Variants in MECOM observed in about 807,000 individuals in gnomAD.
MECOM encodes histone-lysine N-methyltransferase MECOM.
In MECOM, 13 loss-of-function variants were observed where a neutral mutation model predicts 116.3. That is an observed-to-expected ratio of 0.11 (90% confidence interval 0.07 to 0.18). The LOEUF (loss-of-function observed/expected upper bound fraction) is 0.18, where lower values mean the gene tolerates loss of function less well. Among genes scored for constraint, MECOM ranks in the 10% least tolerant of loss-of-function variants. The pLI, the probability that MECOM is intolerant of heterozygous loss-of-function variation, is 1.00. For missense variants in MECOM, 1,299 were observed against 1,509.0 expected (o/e 0.86, Z 2.31); for synonymous variants, 528 against 535.2 (o/e 0.99, Z 0.19).
At chr3:169,400,463 T>C (rs1176101287) in intron 1 of MECOM, among the ~76,000 whole-genome samples, 2 of 152,234 alleles carry the variant, frequency 1.3e-5, no homozygotes, top group Admixed American at 6.5e-5. Flanking sequence ...ATTCTCAACA[T>C]ACATTTGTTT....
chr3:169,248,176 A>T (rs1755824773), intron 2 of MECOM, among the ~76,000 whole-genome samples: 1 of 152,248 alleles, frequency 6.6e-6, no homozygotes, highest in African/African-American at 2.4e-5. Flanking sequence ...TTAGAATTGC[A>T]TTACAATTAC....
In MECOM at chr3:169,243,899, C is replaced by T. The variant is rs188955279; in HGVS notation, c.376-100067G>A. Among the ~76,000 whole-genome samples the T allele has an allele frequency of 6.5e-4, 99 of 152,324 alleles. 1 individual carries two copies. The highest frequency in any genetic ancestry group is 4.3e-3 in the Admixed American group (66 of 15,304). On this transcript the variant is annotated intron_variant, in intron 2 of 16. Coordinates refer to ENST00000651503, the MANE Select transcript of MECOM (RefSeq NM_004991.4). ...TACCAAATTCATTTGGAGCACTCGC[C>T]TGACAGGCCTAACCCTCAAAAGTCT... is the stretch of plus-strand genomic sequence containing the variant.
At chr3:169,287,912 G>T (rs1237015076) in intron 2 of MECOM, among the ~76,000 whole-genome samples, 1 of 152,148 alleles carries the variant, frequency 6.6e-6, no homozygotes, top group Non-Finnish European at 1.5e-5. Context: ...GCATGATTCT[G>T]ACTAAATCAA....
rs557595425 is a variant in MECOM, at chr3:169,213,256, G to A, written c.376-69424C>T. 1.3e-4 allele frequency among the ~76,000 whole-genome samples: 20 copies of A among 151,972 alleles called. No homozygotes were observed. The South Asian group carries it at 3.3e-3, about 25-fold the overall frequency. ...CTTGAAAAATATCTTTTGAATTAAC[G>A]AGTCTTTATAGAAGTGAAAAATATG... On this transcript the variant is annotated intron_variant, in intron 2 of 16. Transcript: ENST00000651503.
In MECOM at chr3:169,515,869, T is replaced by A. The variant is rs1578318376; in HGVS notation, c.38-134345A>T. Among the ~76,000 whole-genome samples, 3 of 152,218 alleles carry A rather than the reference T, an allele frequency of 2.0e-5. No homozygotes were observed. In the South Asian group the frequency reaches 6.2e-4, roughly 31 times the overall value. On this transcript the variant is annotated intron_variant, in intron 1 of 16. Coordinates refer to ENST00000651503, the MANE Select transcript of MECOM (RefSeq NM_004991.4). Reference sequence around the variant, plus strand: ...ATGTATTAACATTGCATAGTACTTTTCCACTGAAAGAGTTCAAAGCATTTT... The same window carrying A: ...ATGTATTAACATTGCATAGTACTTTACCACTGAAAGAGTTCAAAGCATTTT...
chr3:169,110,537 A>G (rs918261641), intron 9 of MECOM, among the ~76,000 whole-genome samples: 1 of 152,154 alleles, frequency 6.6e-6, no homozygotes, highest in Admixed American at 6.5e-5. Context: ...AAAAACAATG[A>G]AATATTTCTG....
chr3:169,175,473 C>A (rs1745021699), intron 2 of MECOM, among the ~76,000 whole-genome samples: 1 of 152,080 alleles, frequency 6.6e-6, no homozygotes, highest in Non-Finnish European at 1.5e-5. Context: ...ATATATAAAA[C>A]AAATAAATTT....
At chr3:169,329,777 C>T (rs575682221) in intron 2 of MECOM, among the ~76,000 whole-genome samples, 3 of 152,264 alleles carry the variant, frequency 2.0e-5, no homozygotes, top group African/African-American at 4.8e-5. Flanking sequence ...ACTGTTAAAG[C>T]GCTGCTGCCC....
At chr3:169,147,795 A>T in intron 2 of MECOM, 98 of 690,458 alleles carry the variant, frequency 1.4e-4, no homozygotes, top group Middle Eastern at 7.2e-4. Context: ...GATGGGAGGG[A>T]TGGGGAAGGG....
chr3:169,233,475 T>G (rs1056806757), intron 2 of MECOM, among the ~76,000 whole-genome samples: 1 of 152,148 alleles, frequency 6.6e-6, no homozygotes, highest in Non-Finnish European at 1.5e-5. Flanking sequence ...TTACAGCACA[T>G]TAAACTTTAA....
chr3:169,483,727 C>T (rs1055810829), intron 1 of MECOM: 8 of 1,588,734 alleles, frequency 5.0e-6, no homozygotes, highest in South Asian at 2.2e-5. Context: ...TAACGTAATT[C>T]GTAACTCTCT....
At chr3:169,238,861 G>T (rs1577433753) in intron 2 of MECOM, among the ~76,000 whole-genome samples, 2 of 152,032 alleles carry the variant, frequency 1.3e-5, no homozygotes, top group African/African-American at 4.8e-5. Flanking sequence ...GTTAACAAAA[G>T]ATTATAAACT....
intron 1 of MECOM, among the ~76,000 whole-genome samples, chr3:169,460,090 G>GA (rs142267148): frequency 0.036 from 5,497 of 152,154 alleles, 318 homozygotes; most frequent in African/African-American, 0.13. Context: ...AAAAGGAGCA[G>GA]AAAAGCTGGG....
intron 7 of MECOM, among the ~76,000 whole-genome samples, chr3:169,120,014 C>T (rs1455956238): frequency 6.6e-6 from 1 of 152,140 alleles, no homozygotes; most frequent in Non-Finnish European, 1.5e-5. Flanking sequence ...TCCATGTTGG[C>T]ACTGAAAAAT....
Position 169,549,281 on chromosome 3 carries a change from C to A in MECOM, c.37+114055G>T, listed in dbSNP as rs531003635. Reference sequence around the variant, plus strand: ...GTCACCGTGCCCGGCCGACACTTGTCTCTGTATAACTTCCCACTCCCACTT... The same window carrying A: ...GTCACCGTGCCCGGCCGACACTTGTATCTGTATAACTTCCCACTCCCACTT... On this transcript the variant is annotated intron_variant, in intron 1 of 16. Coordinates refer to ENST00000651503, the MANE Select transcript of MECOM (RefSeq NM_004991.4). 5.9e-5 allele frequency among the ~76,000 whole-genome samples: 9 copies of A among 152,132 alleles called. No individual in the cohort carries two copies. In the East Asian group the frequency reaches 1.5e-3, roughly 26 times the overall value.
intron 1 of MECOM, among the ~76,000 whole-genome samples, chr3:169,436,664 CT>C (rs1166258284): frequency 6.6e-6 from 1 of 152,040 alleles, no homozygotes; most frequent in Non-Finnish European, 1.5e-5. Flanking sequence ...ATAAAAAATC[CT>C]TTTTTTCAAT....
In MECOM at chr3:169,100,445, T is replaced by C. The variant is rs192494100; in HGVS notation, c.2849+440A>G. The stretch of plus-strand genomic sequence containing the variant: ...CCTATTGGAATCCATGGAAAATGAC[T>C]TAGCTGTGCTGGGGGAAAAAAAGTA... On this transcript the variant is annotated intron_variant, in intron 12 of 16. Coordinates refer to ENST00000651503, the MANE Select transcript of MECOM (RefSeq NM_004991.4). Among the ~76,000 whole-genome samples the C allele has an allele frequency of 1.2e-4, 19 of 152,230 alleles. No individual in the cohort carries two copies. The East Asian group carries it at 3.7e-3, about 29-fold the overall frequency.
At chr3:169,445,752 G>A (rs1744516078) in intron 1 of MECOM, among the ~76,000 whole-genome samples, 1 of 152,194 alleles carries the variant, frequency 6.6e-6, no homozygotes, top group Non-Finnish European at 1.5e-5. Context: ...CATAAAAGCA[G>A]TCAAGAGAGA....
At position 169,143,113 on chromosome 3, in the gene MECOM, T is replaced by A. The variant is rs894152548; in HGVS notation, c.510+585A>T. 2.0e-5 allele frequency among the ~76,000 whole-genome samples: 3 copies of A among 152,040 alleles called. No homozygotes were observed. The East Asian group carries it at 5.8e-4, about 29-fold the overall frequency. The stretch of plus-strand genomic sequence containing the variant: ...TGTTATTAAAGTCAACCTCACTGCA[T>A]GGTCCTCCATAATGTCACAAAGCAG... On this transcript the variant is annotated intron_variant, in intron 3 of 16. Transcript: ENST00000651503.
Sources: allele counts gnomAD v4.1 joint callset (sites outside exome capture counted in the v4.1 genomes callset), GRCh38; gene constraint gnomAD v4.1.1; transcripts MANE v1.5; gene names NCBI Gene and HGNC (gene_info 2026-07-23, HGNC 2026-07-21).